OR2V2: variants seen among roughly 807,000 people sequenced by gnomAD.
OR2V2 encodes the protein olfactory receptor family 2 subfamily V member 2.
For missense variants in OR2V2, 392 were observed against 392.2 expected (o/e 1.00, Z 0.00); for synonymous variants, 161 against 151.3 (o/e 1.06, Z -0.47).
chr5:181,153,455 G>A (rs1242509740), intron 1 of OR2V2, among the ~76,000 whole-genome samples: 6 of 152,154 alleles, frequency 3.9e-5, no homozygotes, highest in South Asian at 2.1e-4. Context: ...GGGAGGCCAC[G>A]TCAGGCGGAT....
At position 181,155,823 on chromosome 5, in the gene OR2V2, G is replaced by A; in HGVS notation, c.881G>A (p.Arg294Lys). 6.2e-7 allele frequency: 1 copy of A among 1,614,204 alleles called. No individual in the cohort carries two copies. Among genetic ancestry groups the A allele is most frequent in the Non-Finnish European group, 8.5e-7 (1 of 1,180,044 alleles). ...CTCAACCCCCTCATTTACAGCTTGA[G>A]GAACAGGGAGGTGATGGGGGCACTG... is the stretch of plus-strand genomic sequence containing the variant. ...PMLNPLIYSL[R>K]NREVMGALRK... Residue 294 changes from arginine (R) to lysine (K), a missense_variant, in exon 2 of 2, where the codon AGG (arginine) becomes AAG (lysine). Arg to Lys is a conservative substitution (Grantham distance 26). Coordinates refer to ENST00000641492, the MANE Select transcript of OR2V2 (RefSeq NM_206880.2).
rs1036880391 is a variant in OR2V2, at chr5:181,147,840, C to T, written c.-180C>T. ...TGGGCTCCACAGCCCGATGAGTAGT[C>T]GGTGCGGGCTGAGGAAGGAGGTTGG... On this transcript the variant is annotated 5_prime_UTR_variant, in exon 1 of 2. Transcript: ENST00000641492. 30 of 394,898 alleles carry T rather than the reference C, an allele frequency of 7.6e-5. No homozygotes were observed. Among genetic ancestry groups the T allele is most frequent in the Non-Finnish European group, 1.0e-4 (23 of 224,294 alleles). 24.5% of individuals were successfully genotyped at this position (394,898 alleles called of 1,614,324 possible).
intron 1 of OR2V2, among the ~76,000 whole-genome samples, chr5:181,152,776 T>A (rs1763208379): frequency 6.6e-6 from 1 of 152,168 alleles, no homozygotes; most frequent in Non-Finnish European, 1.5e-5. Context: ...CAGGAGGCAA[T>A]GGCCACGTGG....
chr5:181,149,814 G>T (rs559913953), intron 1 of OR2V2, among the ~76,000 whole-genome samples: 2 of 152,290 alleles, frequency 1.3e-5, no homozygotes, highest in East Asian at 1.9e-4. Context: ...CACTTGTTAC[G>T]TAAATGTGCT....
chr5:181,148,257 C>T (rs1203838399), intron 1 of OR2V2, among the ~76,000 whole-genome samples: 2 of 152,154 alleles, frequency 1.3e-5, no homozygotes, highest in African/African-American at 2.4e-5. Flanking sequence ...TCCTGTCCCC[C>T]TCCCTCTGTC....
In OR2V2 at chr5:181,154,987, C is replaced by T. The variant is rs771061264; in HGVS notation, c.45C>T (p.Leu15=). 5 of 1,614,078 alleles carry T rather than the reference C, an allele frequency of 3.1e-6. No homozygotes were observed. In the East Asian group the frequency reaches 8.9e-5, roughly 29 times the overall value. ...VNQSYTDGFF[L]LGIFSHSTAD... ...AGTCCTACACAGATGGCTTCTTCCT[C>T]TTAGGCATCTTCTCCCACAGTACTG... The change falls in exon 2 of 2, where the codon CTC becomes CTT. Residue 15 remains leucine, a synonymous_variant. Coordinates refer to ENST00000641492, the MANE Select transcript of OR2V2 (RefSeq NM_206880.2).
chr5:181,155,964 C>T lies in OR2V2; in HGVS notation c.*74C>T, dbSNP rs1342643094. 2.2e-6 allele frequency: 3 copies of T among 1,390,694 alleles called. No homozygotes were observed. Among genetic ancestry groups the T allele is most frequent in the African/African-American group, 1.4e-5 (1 of 69,458 alleles). 86.1% of individuals were successfully genotyped at this position (1,390,694 alleles called of 1,614,324 possible). On this transcript the variant is annotated 3_prime_UTR_variant, in exon 2 of 2. Transcript: ENST00000641492. ...GTCGGGTTAATAATTCTCTCATTTT[C>T]AGTCTTGGTTTCCTCGTGAATTATG... is the stretch of plus-strand genomic sequence containing the variant.
intron 1 of OR2V2, among the ~76,000 whole-genome samples, chr5:181,149,473 G>A (rs150015200): frequency 4.2e-4 from 64 of 152,326 alleles, no homozygotes; most frequent in African/African-American, 1.3e-3. Flanking sequence ...CATCTGGGGG[G>A]ATGCTGAGTA....
Position 181,155,902 on chromosome 5 carries a change from C to A in OR2V2, c.*12C>A, listed in dbSNP as rs537862568. 1 of 1,600,474 alleles carries A rather than the reference C, an allele frequency of 6.2e-7. No homozygotes were observed. The highest frequency in any genetic ancestry group is 2.2e-5 in the East Asian group (1 of 44,574). ...GCAGCCAGCACTGAACCCAGGGCAT[C>A]CAGTGCCTGGCTCTGCCATCTCTTA... On this transcript the variant is annotated 3_prime_UTR_variant, in exon 2 of 2. Transcript: ENST00000641492.
In OR2V2 at chr5:181,155,916, T is replaced by C; in HGVS notation, c.*26T>C. 6.3e-7 allele frequency: 1 copy of C among 1,583,730 alleles called. No individual in the cohort carries two copies. Among genetic ancestry groups the C allele is most frequent in the East Asian group, 2.3e-5 (1 of 44,382 alleles). ...ACCCAGGGCATCCAGTGCCTGGCTC[T>C]GCCATCTCTTAGCTCCAGGGATGTC... On this transcript the variant is annotated 3_prime_UTR_variant, in exon 2 of 2. Coordinates refer to ENST00000641492, the MANE Select transcript of OR2V2 (RefSeq NM_206880.2).
At chr5:181,151,992 A>AAG (rs1016562411) in intron 1 of OR2V2, among the ~76,000 whole-genome samples, 4 of 151,724 alleles carry the variant, frequency 2.6e-5, no homozygotes, top group African/African-American at 9.7e-5. Flanking sequence ...CAAAAAAAAA[A>AAG]AAAAAAAAAT....
intron 1 of OR2V2, 55 bp from the exon 2 acceptor site, chr5:181,154,864 C>G: frequency 3.1e-6 from 3 of 960,730 alleles, no homozygotes; most frequent in Non-Finnish European, 5.0e-6. Flanking sequence ...GACATAGCAG[C>G]AGAGGTCTAT....
Position 181,155,676 on chromosome 5 carries a change from A to T in OR2V2, c.734A>T (p.His245Leu). ...WKKALATCSS[H>L]LTAVTLFYGA... ...AAGGCCCTGGCCACCTGCTCCTCCC[A>T]CCTGACAGCTGTCACCCTCTTCTAT... is the stretch of plus-strand genomic sequence containing the variant. The change falls in exon 2 of 2, where the codon CAC becomes CTC. Residue 245 changes from histidine to leucine, a missense_variant. Physicochemically the swap from His to Leu is moderately conservative, Grantham distance 99. Coordinates refer to ENST00000641492, the MANE Select transcript of OR2V2 (RefSeq NM_206880.2). The T allele has an allele frequency of 6.2e-7, 1 of 1,613,822 alleles. No homozygotes were observed. The highest frequency in any genetic ancestry group is 1.1e-5 in the South Asian group (1 of 91,036).
chr5:181,151,712 T>A (rs770899361), intron 1 of OR2V2, among the ~76,000 whole-genome samples: 5 of 152,054 alleles, frequency 3.3e-5, no homozygotes, highest in Non-Finnish European at 7.4e-5. Flanking sequence ...AAATTTGCAG[T>A]TGAAGCTGGG....
At chr5:181,148,404 CAGG>C (rs1196401044) in intron 1 of OR2V2, among the ~76,000 whole-genome samples, 1 of 152,098 alleles carries the variant, frequency 6.6e-6, no homozygotes, top group African/African-American at 2.4e-5. Flanking sequence ...CTCTCATCCC[CAGG>C]AGAATATTGC....
In OR2V2 at chr5:181,155,479, C is replaced by T. The variant is rs1220285221; in HGVS notation, c.537C>T (p.Phe179=). 3.7e-6 allele frequency: 6 copies of T among 1,614,192 alleles called. No homozygotes were observed. The highest frequency in any genetic ancestry group is 5.1e-6 in the Non-Finnish European group (6 of 1,180,028). ...GCTTGAGGAAGGTGAACCATTTCTT[C>T]TGTGAGATGCTATCCTTGTTGAAGC... ...YCGLRKVNHF[F]CEMLSLLKLA... is the part of the protein sequence containing the mutation. The change falls in exon 2 of 2, where the codon TTC becomes TTT. Residue 179 remains phenylalanine (F), a synonymous_variant. Transcript: ENST00000641492.
intron 1 of OR2V2, among the ~76,000 whole-genome samples, chr5:181,151,202 T>C (rs1763187254): frequency 6.6e-6 from 1 of 151,922 alleles, no homozygotes; most frequent in Admixed American, 6.6e-5. Context: ...TCTGGCGTGC[T>C]CCAGGAAGAA....
chr5:181,152,839 G>A (rs1444502082), intron 1 of OR2V2, among the ~76,000 whole-genome samples: 1 of 152,260 alleles, frequency 6.6e-6, no homozygotes, highest in Admixed American at 6.5e-5. Flanking sequence ...CAGAGCCTCA[G>A]GAGAGGCCTC....
Position 181,155,875 on chromosome 5 carries a change from C to G in OR2V2, c.933C>G (p.Ile311Met). The G allele has an allele frequency of 2.5e-6, 4 of 1,612,884 alleles. No homozygotes were observed. Among genetic ancestry groups the G allele is most frequent in the Non-Finnish European group, 3.4e-6 (4 of 1,179,096 alleles). ...GGAAGGGGCTGGACCGCTGCAGGATCGGCAGCCAGCACTGAACCCAGGGCA... is the reference window on the plus strand; with the variant it reads ...GGAAGGGGCTGGACCGCTGCAGGATGGGCAGCCAGCACTGAACCCAGGGCA... ...ALRKGLDRCR[I>M]GSQH The change falls in exon 2 of 2, where the codon ATC becomes ATG. Residue 311 changes from isoleucine (I) to methionine (M), a missense_variant. Coordinates refer to ENST00000641492, the MANE Select transcript of OR2V2 (RefSeq NM_206880.2).
Sources: allele counts gnomAD v4.1 joint callset (sites outside exome capture counted in the v4.1 genomes callset), GRCh38; gene constraint gnomAD v4.1.1; transcripts MANE v1.5; gene names NCBI Gene and HGNC (gene_info 2026-07-23, HGNC 2026-07-21).